Variants in SLC9A9 observed in about 807,000 individuals in gnomAD.
SLC9A9 encodes the protein sodium/hydrogen exchanger 9.
In SLC9A9, 62 loss-of-function variants were observed where a neutral mutation model predicts 77.8. The observed-to-expected ratio is 0.80, with a 90% CI of 0.65 to 0.98. SLC9A9 has a LOEUF of 0.98. Among genes scored for constraint, SLC9A9 ranks in the 50% least tolerant of loss-of-function variants. The probability of loss-of-function intolerance (pLI) is 0.00; values close to 1 mark genes in which losing one functional copy is unlikely to be tolerated. For synonymous variants in SLC9A9, 320 were observed against 283.5 expected (o/e 1.13, Z -1.29); for missense variants, 775 against 774.9 (o/e 1.00, Z 0.00).
At chr3:143,641,392 T>TC (rs1251737783) in intron 6 of SLC9A9, among the ~76,000 whole-genome samples, 1 of 129,390 alleles carries the variant, frequency 7.7e-6, no homozygotes, top group Non-Finnish European at 1.6e-5. Context: ...AGTCTTTTTT[T>TC]TTTTTTTTTT....
chr3:143,295,947 A>T (rs1411515899), intron 14 of SLC9A9, among the ~76,000 whole-genome samples: 1 of 152,012 alleles, frequency 6.6e-6, no homozygotes, highest in Non-Finnish European at 1.5e-5. Flanking sequence ...ACTTTCTGGT[A>T]TTGTGGATCT....
At chr3:143,405,515 CTCTG>C (rs771692317) in intron 12 of SLC9A9, among the ~76,000 whole-genome samples, 1 of 152,178 alleles carries the variant, frequency 6.6e-6, no homozygotes, top group Non-Finnish European at 1.5e-5. Flanking sequence ...GAAATGGCAC[CTCTG>C]TCTATGAGTA....
intron 14 of SLC9A9, among the ~76,000 whole-genome samples, chr3:143,291,073 C>A (rs1019860285): frequency 2.0e-5 from 3 of 152,220 alleles, no homozygotes; most frequent in African/African-American, 7.2e-5. Flanking sequence ...TTGGGTGAAG[C>A]CACGCAACTC....
intron 5 of SLC9A9, among the ~76,000 whole-genome samples, chr3:143,689,789 G>A (rs1305569557): frequency 6.6e-6 from 1 of 152,044 alleles, no homozygotes; most frequent in African/African-American, 2.4e-5. Flanking sequence ...AGAACCATGT[G>A]CGTAGTAGCA....
At chr3:143,675,942 G>T (rs1576652065) in intron 5 of SLC9A9, among the ~76,000 whole-genome samples, 1 of 151,738 alleles carries the variant, frequency 6.6e-6, no homozygotes, top group East Asian at 1.9e-4. Context: ...ATTTTACAAC[G>T]CAGTACAGAG....
intron 6 of SLC9A9, among the ~76,000 whole-genome samples, chr3:143,648,682 C>A (rs1260698337): frequency 5.3e-5 from 8 of 152,200 alleles, no homozygotes; most frequent in African/African-American, 1.9e-4. Context: ...AGCTCATGTG[C>A]TTCCAATGAA....
intron 13 of SLC9A9, among the ~76,000 whole-genome samples, chr3:143,380,161 G>T (rs1576459399): frequency 1.3e-5 from 2 of 152,154 alleles, no homozygotes; most frequent in Admixed American, 1.3e-4. Context: ...TCTATGTTAT[G>T]CTATCCTATT....
chr3:143,597,522 G>A (rs2037777224), intron 6 of SLC9A9, among the ~76,000 whole-genome samples: 1 of 152,326 alleles, frequency 6.6e-6, no homozygotes, highest in African/African-American at 2.4e-5. Flanking sequence ...AGCGGACAGC[G>A]TAAGAAAAGC....
chr3:143,355,144 G>T (rs1007763213), intron 14 of SLC9A9, among the ~76,000 whole-genome samples: 3 of 152,132 alleles, frequency 2.0e-5, no homozygotes, highest in African/African-American at 7.2e-5. Context: ...CAAAGAAGAA[G>T]AATTATGTCT....
At chr3:143,590,261 G>A (rs142973606) in intron 6 of SLC9A9, among the ~76,000 whole-genome samples, 142 of 152,148 alleles carry the variant, frequency 9.3e-4, no homozygotes, top group South Asian at 7.3e-3. Flanking sequence ...CATAGAGTGG[G>A]GATTAAATAT....
At chr3:143,614,906 G>A (rs1252370052) in intron 6 of SLC9A9, among the ~76,000 whole-genome samples, 2 of 152,208 alleles carry the variant, frequency 1.3e-5, no homozygotes, top group African/African-American at 2.4e-5. Flanking sequence ...GGTGATAACT[G>A]TCATGTTCAG....
rs958459014 is a variant in SLC9A9, at chr3:143,740,347, G to A, written c.534-47040C>T. 2.0e-5 allele frequency among the ~76,000 whole-genome samples: 3 copies of A among 152,156 alleles called. 1 individual carries two copies. The highest frequency in any genetic ancestry group is 2.0e-4 in the Admixed American group (3 of 15,270). On this transcript the variant is annotated intron_variant, in intron 4 of 15. Coordinates refer to ENST00000316549, the MANE Select transcript of SLC9A9 (RefSeq NM_173653.4). ...AGGACTTTCAATGAGCAATGCATTA[G>A]GTAGCATGTAAATGGATCCTGTGCA...
chr3:143,727,678 A>C (rs1334970297), intron 4 of SLC9A9, among the ~76,000 whole-genome samples: 1 of 152,214 alleles, frequency 6.6e-6, no homozygotes, highest in South Asian at 2.1e-4. Flanking sequence ...TCTTGGCTTC[A>C]AGTTTGAATA....
chr3:143,548,346 T>C lies in SLC9A9; in HGVS notation c.1089+4016A>G, dbSNP rs576675630. On this transcript the variant is annotated intron_variant, in intron 9 of 15. Transcript: ENST00000316549. ...GGGAGGAAAGGGGTAGGAGGAAGGC[T>C]GGAAATCATCTGAGTGGGTTCATGG... Among the ~76,000 whole-genome samples the C allele has an allele frequency of 4.6e-5, 7 of 152,164 alleles. No individual in the cohort carries two copies. The East Asian group carries it at 1.2e-3, about 25-fold the overall frequency.
intron 14 of SLC9A9, among the ~76,000 whole-genome samples, chr3:143,345,162 A>G (rs1372778168): frequency 3.9e-5 from 6 of 152,250 alleles, no homozygotes; most frequent in Admixed American, 6.5e-5. Context: ...AGTTCCATCT[A>G]TATGACTGAA....
intron 12 of SLC9A9, among the ~76,000 whole-genome samples, chr3:143,441,570 C>A (rs376620355): frequency 1.3e-5 from 2 of 151,938 alleles, no homozygotes; most frequent in African/African-American, 2.4e-5. Flanking sequence ...TTAGGACAAC[C>A]TAAGACTGTG....
intron 9 of SLC9A9, among the ~76,000 whole-genome samples, chr3:143,541,229 C>G (rs1576564432): frequency 6.6e-6 from 1 of 152,154 alleles, no homozygotes; most frequent in African/African-American, 2.4e-5. Flanking sequence ...TCTTTTTGCT[C>G]TCTCTGGTTT....
chr3:143,614,699 T>A (rs746409102), intron 6 of SLC9A9, among the ~76,000 whole-genome samples: 4 of 152,148 alleles, frequency 2.6e-5, no homozygotes, highest in Non-Finnish European at 5.9e-5. Flanking sequence ...ATCAGAAACT[T>A]TCCACTCCCA....
At chr3:143,479,424 A>T (rs1049634688) in intron 11 of SLC9A9, among the ~76,000 whole-genome samples, 1 of 148,170 alleles carries the variant, frequency 6.7e-6, no homozygotes, top group African/African-American at 2.5e-5. Context: ...ATTAAAAAAA[A>T]ATTTTTTTTG....
Sources: allele counts gnomAD v4.1 joint callset (sites outside exome capture counted in the v4.1 genomes callset), GRCh38; gene constraint gnomAD v4.1.1; transcripts MANE v1.5; gene names NCBI Gene and HGNC (gene_info 2026-07-23, HGNC 2026-07-21).